Variants in ZNF266 observed in about 807,000 individuals in gnomAD.
The protein encoded by ZNF266 is zinc finger protein 1.
A neutral mutation model predicts 16.4 loss-of-function variants in ZNF266; 16 were observed. The observed-to-expected ratio is 0.98, with a 90% confidence interval of 0.66 to 1.48. ZNF266 has a LOEUF of 1.48. Ranked by LOEUF, ZNF266 falls within the 40% of genes most tolerant of loss-of-function variation. ZNF266 has a pLI of 0.00. For synonymous variants in ZNF266, 262 were observed against 237.9 expected, an observed-to-expected ratio of 1.10 and a Z score of -0.93; for missense variants, 738 against 689.1, an observed-to-expected ratio of 1.07 and a Z score of -0.79.
rs748254695 is a variant in ZNF266, at chr19:9,417,854, C to CTAGA, written c.286_289dup (p.Arg97IlefsTer2). 2.5e-6 allele frequency: 4 copies of CTAGA among 1,614,044 alleles called. No individual in the cohort carries two copies. The highest frequency in any genetic ancestry group is 1.3e-5 in the African/African-American group (1 of 75,036). On this transcript the variant is annotated stop_gained and frameshift_variant, in exon 9 of 11. Coordinates refer to ENST00000592904, the MANE Select transcript of ZNF266 (RefSeq NM_001370374.1). LOFTEE classifies it high-confidence loss of function. ...TTGGAAATCACCTCTCTGCACTGTC[C>CTAGA]TAGACTCTTCTTGTTCCAGCCAAGA...
chr19:9,425,468 C>CAG (rs1164859767), intron 5 of ZNF266, among the ~76,000 whole-genome samples: 2 of 151,986 alleles, frequency 1.3e-5, no homozygotes, highest in South Asian at 2.1e-4. Flanking sequence ...AGCCACTCTC[C>CAG]AGAGAGAGAG....
At chr19:9,423,245 T>C (rs1490441714) in intron 5 of ZNF266, among the ~76,000 whole-genome samples, 1 of 152,190 alleles carries the variant, frequency 6.6e-6, no homozygotes, top group Non-Finnish European at 1.5e-5. Flanking sequence ...CACCATTCCT[T>C]AGAGGAGACC....
chr19:9,428,058 C>T (rs1372261117), intron 5 of ZNF266, among the ~76,000 whole-genome samples: 2 of 152,186 alleles, frequency 1.3e-5, no homozygotes, highest in Non-Finnish European at 2.9e-5. Flanking sequence ...CTGCTGGAGT[C>T]TCTAGACCAC....
At chr19:9,415,063 C>T (rs566757972) in intron 10 of ZNF266, among the ~76,000 whole-genome samples, 2 of 152,264 alleles carry the variant, frequency 1.3e-5, no homozygotes, top group East Asian at 1.9e-4. Context: ...GGGAGGCCAA[C>T]GTGGGCAGAT....
In ZNF266 at chr19:9,414,656, T is replaced by C. The variant is rs767216543; in HGVS notation, c.470A>G (p.His157Arg). 6.2e-6 allele frequency: 10 copies of C among 1,601,750 alleles called. No individual in the cohort carries two copies. The highest frequency in any genetic ancestry group is 8.5e-6 in the Non-Finnish European group (10 of 1,169,654). ...TCTCACATGTGTCTTAAGGCATGAGTGTTCACTGGAGACATCTCCACATTG... is the reference window on the plus strand; with the variant it reads ...TCTCACATGTGTCTTAAGGCATGAGCGTTCACTGGAGACATCTCCACATTG... ...VKQCGDVSSEHSCLKTHVRTQ... is the reference protein window; with the variant it reads ...VKQCGDVSSERSCLKTHVRTQ... The change falls in exon 11 of 11, where the codon CAC (histidine) becomes CGC (arginine). Residue 157 changes from histidine to arginine, a missense_variant. Physicochemically the swap from His to Arg is conservative, Grantham distance 29 (BLOSUM62 0). Transcript: ENST00000592904.
At chr19:9,434,579 G>T (rs2072163471) in intron 3 of ZNF266, among the ~76,000 whole-genome samples, 1 of 152,116 alleles carries the variant, frequency 6.6e-6, no homozygotes, top group African/African-American at 2.4e-5. Flanking sequence ...GAGACTAAAA[G>T]ACATGAAACT....
intron 5 of ZNF266, among the ~76,000 whole-genome samples, chr19:9,424,810 CTGTT>C (rs1394842737): frequency 6.6e-6 from 1 of 152,198 alleles, no homozygotes; most frequent in Non-Finnish European, 1.5e-5. Flanking sequence ...ATACAAAGGA[CTGTT>C]TGAACTGCGC....
At chr19:9,418,042 T>C (rs1599457950) in intron 8 of ZNF266, 134 bp from the exon 9 acceptor site, 2 of 892,250 alleles carry the variant, frequency 2.2e-6, no homozygotes, top group East Asian at 5.1e-5. Flanking sequence ...AAATATCGTC[T>C]GTCTGTGCCC....
intron 8 of ZNF266, among the ~76,000 whole-genome samples, chr19:9,418,261 T>C (rs2069362916): frequency 6.6e-6 from 1 of 152,216 alleles, no homozygotes; most frequent in Non-Finnish European, 1.5e-5. Flanking sequence ...AGGGGCCCTG[T>C]TGCAGTTTCT....
chr19:9,431,095 A>G (rs2071516645), intron 5 of ZNF266, among the ~76,000 whole-genome samples: 1 of 152,002 alleles, frequency 6.6e-6, no homozygotes, highest in African/African-American at 2.4e-5. Flanking sequence ...CTCTCCAGAG[A>G]CAGAAGCCTC....
chr19:9,431,611 G>A (rs748600825), intron 5 of ZNF266, among the ~76,000 whole-genome samples: 9 of 152,170 alleles, frequency 5.9e-5, no homozygotes, highest in Non-Finnish European at 1.3e-4. Flanking sequence ...GGGCAGACAC[G>A]AACCAGTCCA....
chr19:9,420,805 C>T (rs1472340081), intron 5 of ZNF266: 2 of 151,740 alleles, frequency 1.3e-5, no homozygotes, highest in African/African-American at 4.8e-5. Flanking sequence ...TACAATCAGA[C>T]AACACTTGGA....
intron 9 of ZNF266, 40 bp from the exon 10 acceptor site, chr19:9,415,782 G>A: frequency 1.3e-6 from 2 of 1,537,830 alleles, no homozygotes; most frequent in African/African-American, 2.7e-5. Context: ...GAGACATACA[G>A]GGTAGACAGA....
chr19:9,413,723 G>A lies in ZNF266; in HGVS notation c.1403C>T (p.Thr468Ile), dbSNP rs753024049. 6.2e-7 allele frequency: 1 copy of A among 1,614,150 alleles called. No homozygotes were observed. The highest frequency in any genetic ancestry group is 1.1e-5 in the South Asian group (1 of 91,086). Residue 468 changes from threonine (T) to isoleucine (I), a missense_variant, in exon 11 of 11, where the codon ACT becomes ATT. Transcript: ENST00000592904. Reference sequence around the variant, plus strand: ...TTCAAAAGGCTTCTCTCCAGTGTGAGTTCTTGTATGTTCACTAAGGCGAGA... The same window carrying A: ...TTCAAAAGGCTTCTCTCCAGTGTGAATTCTTGTATGTTCACTAAGGCGAGA... ...RSSRLSEHTR[T>I]HTGEKPFECV...
intron 6 of ZNF266, 79 bp downstream of exon 6, chr19:9,419,986 A>C (rs1286090625): frequency 6.8e-6 from 1 of 146,884 alleles, no homozygotes; most frequent in Non-Finnish European, 1.5e-5. Context: ...ATGATCAGGC[A>C]CAGGCCACTG....
Position 9,414,406 on chromosome 19 carries a change from T to A in ZNF266, c.720A>T (p.Gly240=). ...KSFINHSHLQ[G]HLRTHNGESL... ...TTTCTCCATTGTGAGTTCTTAAATG[T>A]CCCTGAAGGTGTGAATGATTAATGA... The change falls in exon 11 of 11, where the codon GGA becomes GGT. Residue 240 remains glycine, a synonymous_variant. Coordinates refer to ENST00000592904, the MANE Select transcript of ZNF266 (RefSeq NM_001370374.1). The A allele has an allele frequency of 6.2e-7, 1 of 1,614,208 alleles. No homozygotes were observed. The highest frequency in any genetic ancestry group is 1.1e-5 in the South Asian group (1 of 91,080).
chr19:9,417,393 A>AT (rs1330071714), intron 9 of ZNF266, among the ~76,000 whole-genome samples: 2 of 151,758 alleles, frequency 1.3e-5, no homozygotes, highest in African/African-American at 4.8e-5. Flanking sequence ...AATAAAAAAA[A>AT]TAATGGCCTC....
chr19:9,428,384 G>A (rs1312947289), intron 5 of ZNF266, among the ~76,000 whole-genome samples: 2 of 152,308 alleles, frequency 1.3e-5, no homozygotes, highest in Middle Eastern at 3.4e-3. Flanking sequence ...TGATGCCAGC[G>A]TGCTGAAGGT....
intron 5 of ZNF266, among the ~76,000 whole-genome samples, chr19:9,425,713 T>C (rs1240182571): frequency 6.6e-6 from 1 of 152,162 alleles, no homozygotes; most frequent in East Asian, 1.9e-4. Flanking sequence ...CTCCCATCCC[T>C]AAATTGGGTG....
Sources: gnomAD v4.1 joint callset for allele counts (sites outside exome capture counted in the v4.1 genomes callset) on GRCh38, gnomAD v4.1.1 for gene constraint, MANE v1.5 for transcripts, NCBI Gene and HGNC (gene_info 2026-07-23, HGNC 2026-07-21) for gene names.